AKAP9: variants seen among roughly 807,000 people sequenced by gnomAD.
AKAP9 encodes the protein A-kinase anchor protein 9.
AKAP9 carries 311 observed loss-of-function variants against 488.5 expected under a neutral mutation model. That is an observed-to-expected ratio of 0.64 (90% CI 0.58 to 0.70). The LOEUF (loss-of-function observed/expected upper bound fraction) is 0.70. Ranked by LOEUF, AKAP9 falls within the 30% of genes least tolerant of loss-of-function variation. The pLI, the probability that AKAP9 is intolerant of heterozygous loss-of-function variation, is 0.00. For missense variants in AKAP9, 4,215 were observed against 4,374.5 expected (o/e 0.96, Z 1.03); for synonymous variants, 1,462 against 1,483.5 (o/e 0.99, Z 0.33).
intron 26 of AKAP9, among the ~76,000 whole-genome samples, chr7:92,066,930 T>G (rs898403654): frequency 1.3e-4 from 20 of 152,218 alleles, no homozygotes; most frequent in Admixed American, 2.0e-4. Context: ...TACCTTCTAC[T>G]CCATTTAAAT....
rs1403214059 is a variant in AKAP9 at position 92,079,136 on chromosome 7, A to G, written c.7003A>G (p.Met2335Val). The change falls in exon 31 of 50, where the codon ATG becomes GTG. Residue 2335 changes from methionine (M) to valine (V), a missense_variant. This residue lies in a region of AKAP9 where 1,476 missense variants were observed against 1,477.4 expected (regional missense o/e 1.00). Transcript: ENST00000356239. The stretch of plus-strand genomic sequence containing the variant: ...TCTTGAAACCCAAATAGAATGTTTG[A>G]TGAGTGATCAAGAATGTGTGAAGAG... ...RDLETQIECL[M>V]SDQECVKRNR... is the part of the protein sequence containing the mutation. 3 of 1,613,618 alleles carry G rather than the reference A, an allele frequency of 1.9e-6. No homozygotes were observed. In the Admixed American group the frequency reaches 5.0e-5, roughly 27 times the overall value.
At chr7:92,038,395 T>C (rs1338466401) in intron 16 of AKAP9, 24 bp from the exon 17 acceptor site, 3 of 1,554,670 alleles carry the variant, frequency 1.9e-6, no homozygotes, top group Non-Finnish European at 2.7e-6. Context: ...TCTAATCCTT[T>C]ATTGTTTGCT....
intron 22 of AKAP9, 79 bp downstream of exon 22, chr7:92,053,037 G>T (rs922120226): frequency 4.9e-6 from 6 of 1,234,692 alleles, no homozygotes; most frequent in East Asian, 2.5e-5. Flanking sequence ...AGCTAATTTT[G>T]ATATTTTCAT....
intron 22 of AKAP9, among the ~76,000 whole-genome samples, chr7:92,056,260 A>G (rs77564868): frequency 0.014 from 2,190 of 152,020 alleles, 45 homozygotes; most frequent in African/African-American, 0.05. Flanking sequence ...TCTTACTTAC[A>G]GATTTTGTTT....
chr7:92,005,006 T>C (rs1316339898), intron 8 of AKAP9, among the ~76,000 whole-genome samples: 1 of 152,228 alleles, frequency 6.6e-6, no homozygotes, highest in African/African-American at 2.4e-5. Flanking sequence ...GTACCTAATT[T>C]ATTGAGAGTT....
At chr7:91,996,147 T>A (rs1430023745) in intron 7 of AKAP9, 1 of 279,578 alleles carries the variant, frequency 3.6e-6, no homozygotes, top group East Asian at 7.3e-5. Flanking sequence ...TTTATGGATT[T>A]TAATGAGAAA....
chr7:91,952,200 A>G (rs1792342242), intron 1 of AKAP9, among the ~76,000 whole-genome samples: 1 of 152,214 alleles, frequency 6.6e-6, no homozygotes, highest in Non-Finnish European at 1.5e-5. Flanking sequence ...TGATACTTTC[A>G]CATTCGAGTA....
chr7:92,083,198 A>G lies in AKAP9; in HGVS notation c.8189A>G (p.Gln2730Arg), dbSNP rs80191629. ...AAAGAAACAAATATGACATCTCTTC[A>G]GAAAGACTTAAGCCAAGTTAGGGAT... ...LVKETNMTSL[Q>R]KDLSQVRDHL... is the part of the protein sequence containing the mutation. The change falls in exon 33 of 50, where the codon CAG (glutamine) becomes CGG (arginine). Residue 2730 changes from glutamine to arginine, a missense_variant. Physicochemically the swap from Gln to Arg is conservative, Grantham distance 43 (BLOSUM62 1). Coordinates refer to ENST00000356239, the MANE Select transcript of AKAP9 (RefSeq NM_005751.5). The G allele has an allele frequency of 1.8e-4, 288 of 1,614,082 alleles. 1 individual carries two copies. In the East Asian group the frequency reaches 6.4e-3, roughly 36 times the overall value.
chr7:92,097,399 C>G lies in AKAP9; in HGVS notation c.10398+42C>G, dbSNP rs991309755. The G allele has an allele frequency of 1.9e-6, 3 of 1,599,652 alleles. No homozygotes were observed. In the Admixed American group the frequency reaches 5.1e-5, roughly 27 times the overall value. The stretch of plus-strand genomic sequence containing the variant: ...TTTTTAGATATTTTTAAGGAAAGCA[C>G]TGCAGCCCTTTGATCATTAAATTTT... On this transcript the variant is annotated intron_variant, in intron 41 of 49. Transcript: ENST00000356239.
chr7:92,100,834 A>G, intron 44 of AKAP9, 22 bp from the exon 45 acceptor site: 1 of 1,613,706 alleles, frequency 6.2e-7, no homozygotes, highest in Non-Finnish European at 8.5e-7. Flanking sequence ...AGACTTGTGT[A>G]AGTAGGCTGT....
intron 1 of AKAP9, among the ~76,000 whole-genome samples, chr7:91,969,711 A>G (rs780563947): frequency 3.9e-5 from 6 of 152,110 alleles, no homozygotes; most frequent in Admixed American, 1.3e-4. Flanking sequence ...TTTATCTGAT[A>G]CAAGTATAGC....
At chr7:91,944,571 G>T (rs533593310) in intron 1 of AKAP9, among the ~76,000 whole-genome samples, 19 of 152,166 alleles carry the variant, frequency 1.2e-4, no homozygotes, top group African/African-American at 4.3e-4. Context: ...ATTTTTAGTA[G>T]AGATGGGGTT....
intron 2 of AKAP9, among the ~76,000 whole-genome samples, chr7:91,975,803 A>G (rs1795589530): frequency 6.6e-6 from 1 of 151,594 alleles, no homozygotes; most frequent in African/African-American, 2.4e-5. Context: ...ATCCTTTATC[A>G]GATTGAGGAG....
intron 24 of AKAP9, among the ~76,000 whole-genome samples, chr7:92,064,345 C>T (rs576030563): frequency 9.2e-5 from 14 of 151,710 alleles, no homozygotes; most frequent in Non-Finnish European, 1.8e-4. Context: ...ATGTTCTTTC[C>T]ATTTTCTTCA....
At chr7:92,102,456 ACTACTAC>A in intron 45 of AKAP9, 131 bp from the exon 46 acceptor site, 1 of 447,962 alleles carries the variant, frequency 2.2e-6, no homozygotes, top group Non-Finnish European at 4.0e-6. Flanking sequence ...TATTACTACT[ACTACTAC>A]TACTACTACT....
chr7:92,102,803 C>CA lies in AKAP9; in HGVS notation c.11308dup (p.Arg3770LysfsTer28). The CA allele has an allele frequency of 6.2e-7, 1 of 1,614,110 alleles. No individual in the cohort carries two copies. Among genetic ancestry groups the CA allele is most frequent in the Non-Finnish European group, 8.5e-7 (1 of 1,180,020 alleles). On this transcript the variant is annotated frameshift_variant, in exon 46 of 50. Coordinates refer to ENST00000356239, the MANE Select transcript of AKAP9 (RefSeq NM_005751.5). LOFTEE classifies it high-confidence loss of function. ...GCTTCACCAGGTTTCGGTCGGCCGT[C>CA]AGAGTATCCATTGCAATTTCCAGGT...
Position 92,001,155 on chromosome 7 carries a change from A to G in AKAP9, c.1238A>G (p.Gln413Arg). 1 of 1,614,128 alleles carries G rather than the reference A, an allele frequency of 6.2e-7. No homozygotes were observed. Among genetic ancestry groups the G allele is most frequent in the Non-Finnish European group, 8.5e-7 (1 of 1,179,972 alleles). ...CAGAAGAGAAATCATAAAGACAGCC[A>G]GTTCGAAACTGATATAGTACAACGA... ...ELQKRNHKDS[Q>R]FETDIVQRME... The change falls in exon 8 of 50, where the codon CAG becomes CGG. Residue 413 changes from glutamine to arginine, a missense_variant. Gln to Arg is a conservative substitution (Grantham distance 43). Transcript: ENST00000356239.
rs375657019 is a variant in AKAP9, at chr7:92,079,067, A to T, written c.6946-12A>T. On this transcript the variant is annotated splice_polypyrimidine_tract_variant and intron_variant, in intron 30 of 49. Coordinates refer to ENST00000356239, the MANE Select transcript of AKAP9 (RefSeq NM_005751.5). The stretch of plus-strand genomic sequence containing the variant: ...ATATATTATGTATGTTACCTTTTTC[A>T]TTAATTATTAGGTTATTGAAGAAAA... 2 of 1,552,174 alleles carry T rather than the reference A, an allele frequency of 1.3e-6. No homozygotes were observed. The highest frequency in any genetic ancestry group is 1.8e-5 in the Admixed American group (1 of 55,306).
chr7:92,005,512 A>G (rs930154142), intron 8 of AKAP9, among the ~76,000 whole-genome samples: 1 of 152,120 alleles, frequency 6.6e-6, no homozygotes, highest in African/African-American at 2.4e-5. Flanking sequence ...AAGCCATTGG[A>G]AAGTTTTCTC....
Sources: allele counts gnomAD v4.1 joint callset (sites outside exome capture counted in the v4.1 genomes callset), GRCh38; gene constraint gnomAD v4.1.1; regional missense constraint gnomAD v4.1.1; transcripts MANE v1.5; gene names NCBI Gene and HGNC (gene_info 2026-07-23, HGNC 2026-07-21).